The following CRB1 variants were observed in gnomAD, a reference collection of about 807,000 sequenced individuals.
CRB1 encodes the protein protein crumbs homolog 1.
In CRB1, 83 loss-of-function variants were observed where a neutral mutation model predicts 120.0. The ratio of observed to expected loss-of-function variants is 0.69; its 90% CI spans 0.58 to 0.83. The LOEUF is 0.83. Among genes scored for constraint, CRB1 ranks in the 40% least tolerant of loss-of-function variants. CRB1 has a pLI of 0.00. For missense variants in CRB1, 1,699 were observed against 1,687.6 expected (o/e 1.01, Z -0.12); for synonymous variants, 625 against 612.5 (o/e 1.02, Z -0.30).
chr1:197,375,214 A>G (rs181871960), intron 5 of CRB1, among the ~76,000 whole-genome samples: 1 of 152,302 alleles, frequency 6.6e-6, no homozygotes, highest in Non-Finnish European at 1.5e-5. Flanking sequence ...AGAAGACACT[A>G]AACTCTTGGG....
At chr1:197,349,391 CATT>C (rs1659959284) in intron 4 of CRB1, among the ~76,000 whole-genome samples, 1 of 152,138 alleles carries the variant, frequency 6.6e-6, no homozygotes, top group Non-Finnish European at 1.5e-5. Flanking sequence ...ATCTAATTCT[CATT>C]AGGATTTTTT....
chr1:197,275,887 G>A (rs551449170), intron 1 of CRB1, among the ~76,000 whole-genome samples: 2 of 151,722 alleles, frequency 1.3e-5, no homozygotes, highest in Non-Finnish European at 2.9e-5. Flanking sequence ...TTAATAAAAT[G>A]TCATCTTTTA....
At chr1:197,250,315 ATTCGT>A in the CRB1 span, among the ~76,000 whole-genome samples, 1 of 151,904 alleles carries the variant, frequency 6.6e-6, no homozygotes, top group Non-Finnish European at 1.5e-5. Context: ...AATTCAATCA[ATTCGT>A]TTCATCTCTT....
chr1:197,323,640 G>T (rs1658328554), intron 1 of CRB1, among the ~76,000 whole-genome samples: 1 of 152,126 alleles, frequency 6.6e-6, no homozygotes, highest in South Asian at 2.1e-4. Flanking sequence ...AATTTTTCAT[G>T]ATTGACAGTG....
the CRB1 span, among the ~76,000 whole-genome samples, chr1:197,209,263 A>G: frequency 6.6e-6 from 1 of 152,196 alleles, no homozygotes; most frequent in Admixed American, 6.5e-5. Flanking sequence ...CTGTCCAGAA[A>G]CTTTGCATTC....
At chr1:197,336,698 G>A (rs572452439) in intron 2 of CRB1, among the ~76,000 whole-genome samples, 5 of 152,112 alleles carry the variant, frequency 3.3e-5, no homozygotes, top group African/African-American at 9.7e-5. Context: ...TGCGGACTTC[G>A]GAGATGTAAA....
intron 5 of CRB1, among the ~76,000 whole-genome samples, chr1:197,379,605 CAAAAA>C (rs75820081): frequency 1.7e-4 from 13 of 74,380 alleles, no homozygotes; most frequent in African/African-American, 4.8e-4. Flanking sequence ...CGGCCCCGGC[CAAAAA>C]AAAAAAAAAA....
the CRB1 span, among the ~76,000 whole-genome samples, chr1:197,252,580 ATATG>A: frequency 4.0e-4 from 9 of 22,322 alleles, no homozygotes; most frequent in African/African-American, 8.0e-4. Context: ...ATATATATAT[ATATG>A]TGTGTGTGTG....
intron 5 of CRB1, among the ~76,000 whole-genome samples, chr1:197,412,799 A>G (rs1356082025): frequency 1.3e-5 from 2 of 152,252 alleles, no homozygotes; most frequent in African/African-American, 4.8e-5. Flanking sequence ...GCCTTGATAA[A>G]TAAGTTTTAA....
intron 2 of CRB1, among the ~76,000 whole-genome samples, chr1:197,334,363 A>G (rs1394294330): frequency 6.6e-6 from 1 of 152,190 alleles, no homozygotes; most frequent in Non-Finnish European, 1.5e-5. Context: ...GCCTCCTCCA[A>G]TACTCATGTG....
At chr1:197,342,190 G>A (rs558642483) in intron 2 of CRB1, among the ~76,000 whole-genome samples, 4 of 152,218 alleles carry the variant, frequency 2.6e-5, no homozygotes, top group South Asian at 4.2e-4. Flanking sequence ...GTTAGACCCT[G>A]GCGTCATTCA....
intron 1 of CRB1, among the ~76,000 whole-genome samples, chr1:197,314,440 C>G (rs1020629567): frequency 6.6e-6 from 1 of 151,992 alleles, no homozygotes; most frequent in African/African-American, 2.4e-5. Context: ...TTATTTAAGT[C>G]CTTGAAAAAT....
intron 3 of CRB1, among the ~76,000 whole-genome samples, chr1:197,345,469 C>A (rs193273977): frequency 3.8e-4 from 57 of 149,186 alleles, no homozygotes; most frequent in Non-Finnish European, 6.2e-4. Context: ...CAATAAAAGG[C>A]ACATATGCTT....
chr1:197,233,927 T>A, the CRB1 span, among the ~76,000 whole-genome samples: 2 of 152,212 alleles, frequency 1.3e-5, no homozygotes, highest in African/African-American at 2.4e-5. Context: ...AGTCCTACAT[T>A]GTGATTTGCT....
chr1:197,405,173 C>T (rs1663284487), intron 5 of CRB1, among the ~76,000 whole-genome samples: 1 of 152,018 alleles, frequency 6.6e-6, no homozygotes. Context: ...TGCAACCTCC[C>T]TGCCTGATTC....
At chr1:197,222,929 G>A in the CRB1 span, 1 of 1,000,668 alleles carries the variant, frequency 1.0e-6, no homozygotes, top group Non-Finnish European at 1.6e-6. Context: ...CTAAAATCCT[G>A]TTGACGCTCT....
At chr1:197,310,750 A>G (rs1657468640) in intron 1 of CRB1, among the ~76,000 whole-genome samples, 1 of 152,192 alleles carries the variant, frequency 6.6e-6, no homozygotes, top group South Asian at 2.1e-4. Flanking sequence ...GCATAGTCAT[A>G]TTAGTTCAAT....
chr1:197,328,964 A>T lies in CRB1; in HGVS notation c.613A>T (p.Ile205Leu), dbSNP rs1200002459. ...CKNEATCLNE[I>L]GRYTCICPHN... ...GAACGAGGCTACATGCCTCAATGAA[A>T]TAGGAAGATATACTTGTATCTGTCC... Residue 205 changes from isoleucine (I) to leucine (L), a missense_variant, in exon 2 of 12, where the codon ATA becomes TTA. Coordinates refer to ENST00000367400, the MANE Select transcript of CRB1 (RefSeq NM_201253.3). 6.2e-7 allele frequency: 1 copy of T among 1,613,920 alleles called. No homozygotes were observed. The highest frequency in any genetic ancestry group is 2.2e-5 in the East Asian group (1 of 44,890).
chr1:197,307,005 T>C (rs1194859389), intron 1 of CRB1, among the ~76,000 whole-genome samples: 1 of 152,214 alleles, frequency 6.6e-6, no homozygotes, highest in African/African-American at 2.4e-5. Context: ...ATGTTATGTC[T>C]GAAAATTTAG....
Sources: gnomAD v4.1 joint callset for allele counts (sites outside exome capture counted in the v4.1 genomes callset) on GRCh38, gnomAD v4.1.1 for gene constraint, MANE v1.5 for transcripts, NCBI Gene and HGNC (gene_info 2026-07-23, HGNC 2026-07-21) for gene names.